The following RNF38 variants were observed in gnomAD, a reference collection of about 807,000 sequenced individuals.
RNF38 encodes E3 ubiquitin-protein ligase RNF38.
In RNF38, 15 loss-of-function variants were observed where a neutral mutation model predicts 67.2. That is an observed-to-expected ratio of 0.22 (90% confidence interval 0.15 to 0.34). The LOEUF (loss-of-function observed/expected upper bound fraction) is 0.34, where lower values mean the gene tolerates loss of function less well. RNF38 is among the 10% of genes least tolerant of loss of function. The pLI, the probability that RNF38 is intolerant of heterozygous loss-of-function variation, is 1.00. For missense variants in RNF38, 524 were observed against 639.9 expected (o/e 0.82, Z 1.95); for synonymous variants, 220 against 218.8 (o/e 1.01, Z -0.05).
intron 2 of RNF38, among the ~76,000 whole-genome samples, chr9:36,384,199 G>C (rs1356934400): frequency 1.3e-5 from 2 of 151,822 alleles, no homozygotes; most frequent in African/African-American, 2.4e-5. Context: ...ATAATTTTAA[G>C]CTATAATTAT....
intron 1 of RNF38, among the ~76,000 whole-genome samples, chr9:36,460,296 G>A (rs1839697186): frequency 6.6e-6 from 1 of 152,120 alleles, no homozygotes; most frequent in Non-Finnish European, 1.5e-5. Context: ...GTGACCACAG[G>A]AAGGCATAGA....
At chr9:36,343,559 A>G (rs1265896121) in intron 10 of RNF38, among the ~76,000 whole-genome samples, 1 of 152,070 alleles carries the variant, frequency 6.6e-6, no homozygotes, top group African/African-American at 2.4e-5. Context: ...AGGAAATACC[A>G]CTTCACAATC....
In RNF38 at chr9:36,339,712, A is replaced by C; in HGVS notation, c.*40T>G. 1 of 1,527,104 alleles carries C rather than the reference A, an allele frequency of 6.5e-7. No homozygotes were observed. The highest frequency in any genetic ancestry group is 9.0e-7 in the Non-Finnish European group (1 of 1,105,090). 94.6% of individuals were successfully genotyped at this position (1,527,104 alleles called of 1,614,324 possible). Reference sequence around the variant, plus strand: ...AATGGATAGTCCGTATATACATGTGATGAGGAACACCCAAACTAAATTTGT... The same window carrying C: ...AATGGATAGTCCGTATATACATGTGCTGAGGAACACCCAAACTAAATTTGT... On this transcript the variant is annotated 3_prime_UTR_variant, in exon 12 of 12. Transcript: ENST00000259605.
chr9:36,388,107 A>G (rs777636185), intron 2 of RNF38, among the ~76,000 whole-genome samples: 3 of 152,192 alleles, frequency 2.0e-5, no homozygotes, highest in Non-Finnish European at 4.4e-5. Flanking sequence ...ATCAAGGGAT[A>G]TTTTATATGG....
chr9:36,369,332 A>G (rs1006476192), intron 4 of RNF38, among the ~76,000 whole-genome samples: 1 of 152,120 alleles, frequency 6.6e-6, no homozygotes, highest in Non-Finnish European at 1.5e-5. Flanking sequence ...TCCTGAGTTC[A>G]AGTGATTCTT....
intron 11 of RNF38, 76 bp downstream of exon 11, chr9:36,342,249 T>A: frequency 9.8e-7 from 1 of 1,019,052 alleles, no homozygotes; most frequent in Middle Eastern, 2.0e-4. Flanking sequence ...TCCACTGAGC[T>A]ATGAACTTAC....
intron 2 of RNF38, among the ~76,000 whole-genome samples, chr9:36,384,149 T>C (rs1049476575): frequency 6.6e-6 from 1 of 152,214 alleles, no homozygotes; most frequent in African/African-American, 2.4e-5. Context: ...ACTATATTTC[T>C]ACCAGAATAC....
At chr9:36,460,990 A>C (rs953555714) in intron 1 of RNF38, among the ~76,000 whole-genome samples, 23 of 152,092 alleles carry the variant, frequency 1.5e-4, no homozygotes, top group Non-Finnish European at 1.9e-4. Context: ...AAGCAGGTGG[A>C]TCACCTGAGA....
chr9:36,355,961 C>G (rs1834071698), intron 6 of RNF38, among the ~76,000 whole-genome samples: 1 of 152,124 alleles, frequency 6.6e-6, no homozygotes, highest in Non-Finnish European at 1.5e-5. Flanking sequence ...ATTCTCATGT[C>G]TCATCCTCCT....
chr9:36,401,603 A>G (rs528269499), upstream of RNF38, among the ~76,000 whole-genome samples: 1 of 152,338 alleles, frequency 6.6e-6, no homozygotes, highest in South Asian at 2.1e-4. Flanking sequence ...AGGGGAAATA[A>G]GAACAAAGAT....
At chr9:36,421,533 G>A (rs1419596709) in intron 2 of RNF38, among the ~76,000 whole-genome samples, 3 of 151,994 alleles carry the variant, frequency 2.0e-5, no homozygotes, top group African/African-American at 7.3e-5. Flanking sequence ...CGTGGTAGCG[G>A]ATGCCTGTAA....
chr9:36,393,477 T>TGTGTGTGTGTG (rs1554689571), intron 1 of RNF38, among the ~76,000 whole-genome samples: 83 of 87,772 alleles, frequency 9.5e-4, no homozygotes, highest in Middle Eastern at 5.0e-3. Flanking sequence ...CACACACACA[T>TGTGTGTGTGTG]TGTGTGTGTG....
At chr9:36,455,287 C>T (rs1839560726) in intron 1 of RNF38, among the ~76,000 whole-genome samples, 1 of 151,848 alleles carries the variant, frequency 6.6e-6, no homozygotes, top group South Asian at 2.1e-4. Context: ...GTCTCAAACT[C>T]CAGGCCTCCA....
At chr9:36,414,500 C>T (rs2134209108) in intron 2 of RNF38, among the ~76,000 whole-genome samples, 1 of 152,140 alleles carries the variant, frequency 6.6e-6, no homozygotes, top group East Asian at 1.9e-4. Context: ...GCCTGACCTA[C>T]ATGGAGAAAC....
At chr9:36,370,079 A>G in intron 3 of RNF38, 147 bp from the exon 4 acceptor site, 1 of 654,244 alleles carries the variant, frequency 1.5e-6, no homozygotes, top group Non-Finnish European at 2.5e-6. Context: ...AGCTCTAAAA[A>G]CTTACAAATT....
At chr9:36,393,218 C>T (rs887216019) in intron 1 of RNF38, among the ~76,000 whole-genome samples, 4 of 152,102 alleles carry the variant, frequency 2.6e-5, no homozygotes, top group African/African-American at 9.7e-5. Flanking sequence ...ATTCCTTGTT[C>T]CTTTGAAATC....
At chr9:36,410,230 T>C (rs1838289465) in intron 2 of RNF38, among the ~76,000 whole-genome samples, 2 of 152,242 alleles carry the variant, frequency 1.3e-5, no homozygotes, top group South Asian at 4.1e-4. Context: ...TTTTAGAAAA[T>C]ACGGGTAAAT....
intron 2 of RNF38, among the ~76,000 whole-genome samples, chr9:36,390,221 C>CAA (rs1485705025): frequency 6.6e-6 from 1 of 152,048 alleles, no homozygotes; most frequent in African/African-American, 2.4e-5. Flanking sequence ...GATTTAAGAC[C>CAA]AAAAGATCAA....
intron 3 of RNF38, chr9:36,372,378 T>C (rs1835453282): frequency 1.8e-6 from 1 of 570,420 alleles, no homozygotes; most frequent in East Asian, 2.8e-5. Context: ...TCTTGAAGTT[T>C]ATTGTTAATT....
Sources: allele counts gnomAD v4.1 joint callset (sites outside exome capture counted in the v4.1 genomes callset), GRCh38; gene constraint gnomAD v4.1.1; transcripts MANE v1.5; gene names NCBI Gene and HGNC (gene_info 2026-07-23, HGNC 2026-07-21).